NT5E: variants seen among roughly 807,000 people sequenced by gnomAD.
NT5E encodes 5'-nucleotidase.
A neutral mutation model predicts 55.1 loss-of-function variants in NT5E; 53 were observed. That is an observed-to-expected ratio of 0.96 (90% CI 0.77 to 1.21). NT5E has a LOEUF of 1.21. NT5E is among the 50% of genes most tolerant of loss of function. The probability of loss-of-function intolerance (pLI) is 0.00; values close to 1 mark genes in which losing one functional copy is unlikely to be tolerated. For missense variants in NT5E, 683 were observed against 724.3 expected (o/e 0.94, Z 0.65); for synonymous variants, 270 against 278.4 (o/e 0.97, Z 0.30).
rs566822905 is a variant in NT5E, at chr6:85,473,104, G to C, written c.751+1679G>C. On this transcript the variant is annotated intron_variant, in intron 3 of 8. Coordinates refer to ENST00000257770, the MANE Select transcript of NT5E (RefSeq NM_002526.4). ...TAGCATGGATAACATTGCAATCAAA[G>C]AGTTTCAACAACTCCATGAGGGTTA... Among the ~76,000 whole-genome samples, 181 of 152,318 alleles carry C rather than the reference G, an allele frequency of 1.2e-3. 1 individual carries two copies. Among genetic ancestry groups the C allele is most frequent in the African/African-American group, 4.0e-3 (168 of 41,578 alleles).
At chr6:85,463,072 T>C (rs762600699) in intron 1 of NT5E, among the ~76,000 whole-genome samples, 4 of 152,226 alleles carry the variant, frequency 2.6e-5, no homozygotes, top group Non-Finnish European at 4.4e-5. Context: ...AGATCATCAA[T>C]TCTTTTTTTA....
chr6:85,476,903 G>T (rs144869765), intron 3 of NT5E, among the ~76,000 whole-genome samples: 2 of 152,264 alleles, frequency 1.3e-5, no homozygotes, highest in East Asian at 1.9e-4. Flanking sequence ...CAGGATGGGG[G>T]GCAGGGCGGG....
At chr6:85,479,276 G>A (rs1769495194) in intron 3 of NT5E, among the ~76,000 whole-genome samples, 1 of 152,200 alleles carries the variant, frequency 6.6e-6, no homozygotes, top group Admixed American at 6.5e-5. Context: ...CAGGAATGCA[G>A]TGGTTTAACC....
At position 85,471,264 on chromosome 6, in the gene NT5E, TCA is replaced by T; in HGVS notation, c.592_593del (p.Thr198CysfsTer5). The T allele has an allele frequency of 6.2e-7, 1 of 1,609,880 alleles. No individual in the cohort carries two copies. The highest frequency in any genetic ancestry group is 1.3e-5 in the African/African-American group (1 of 75,006). On this transcript the variant is annotated frameshift_variant, in exon 3 of 9. Transcript: ENST00000257770. LOFTEE classifies it high-confidence loss of function. Reference sequence around the variant, plus strand: ...ACAAATTTAGTGTTTGAAGATGAAATCACTGCATTACAACCTGAAGTAGATAA... The same window carrying T: ...ACAAATTTAGTGTTTGAAGATGAAATCTGCATTACAACCTGAAGTAGATAA...
chr6:85,461,667 T>A (rs1769100294), intron 1 of NT5E, among the ~76,000 whole-genome samples: 1 of 152,160 alleles, frequency 6.6e-6, no homozygotes, highest in South Asian at 2.1e-4. Context: ...TAACAGTTAG[T>A]TAGGCTTTTT....
Position 85,485,309 on chromosome 6 carries a change from C to T in NT5E, c.826C>T (p.Pro276Ser), listed in dbSNP as rs1769627775. 2.5e-6 allele frequency: 4 copies of T among 1,614,034 alleles called. No homozygotes were observed. The highest frequency in any genetic ancestry group is 1.6e-4 in the Middle Eastern group (1 of 6,084). Residue 276 changes from proline (P) to serine (S), a missense_variant, in exon 4 of 9, where the codon CCT becomes TCT. Transcript: ENST00000257770. ...CACTTCTGATGATGGGCGGAAGGTT[C>T]CTGTAGTCCAGGCCTATGCTTTTGG... ...IVTSDDGRKV[P>S]VVQAYAFGKY...
At chr6:85,458,584 T>C (rs1342176670) in intron 1 of NT5E, among the ~76,000 whole-genome samples, 2 of 152,258 alleles carry the variant, frequency 1.3e-5, no homozygotes, top group African/African-American at 4.8e-5. Flanking sequence ...ATCTGAATGC[T>C]CTGTACTCTC....
intron 3 of NT5E, among the ~76,000 whole-genome samples, chr6:85,478,853 AAGAGAGAGAG>A (rs967946976): frequency 4.6e-5 from 7 of 151,822 alleles, no homozygotes; most frequent in African/African-American, 1.7e-4. Context: ...GAGAGAGAGA[AAGAGAGAGAG>A]AGCTAGAGAA....
At chr6:85,468,597 A>G (rs962960634) in intron 2 of NT5E, among the ~76,000 whole-genome samples, 3 of 152,164 alleles carry the variant, frequency 2.0e-5, no homozygotes, top group African/African-American at 7.2e-5. Flanking sequence ...AATACATGAG[A>G]GCAGGAAGGT....
chr6:85,483,271 A>T (rs1769585023), intron 3 of NT5E, among the ~76,000 whole-genome samples: 1 of 152,196 alleles, frequency 6.6e-6, no homozygotes, highest in African/African-American at 2.4e-5. Flanking sequence ...GTTCTCCGCC[A>T]CCTTGTGGAC....
chr6:85,469,524 G>A (rs921918484), intron 2 of NT5E, among the ~76,000 whole-genome samples: 1 of 152,210 alleles, frequency 6.6e-6, no homozygotes, highest in African/African-American at 2.4e-5. Flanking sequence ...AATTAAGCAG[G>A]AGGGGAATGG....
At chr6:85,483,710 T>C (rs1263477795) in intron 3 of NT5E, among the ~76,000 whole-genome samples, 2 of 152,174 alleles carry the variant, frequency 1.3e-5, no homozygotes, top group Non-Finnish European at 2.9e-5. Flanking sequence ...GCTCTTGACA[T>C]AGGAGCATGG....
At chr6:85,459,931 T>C (rs983897005) in intron 1 of NT5E, among the ~76,000 whole-genome samples, 4 of 152,252 alleles carry the variant, frequency 2.6e-5, no homozygotes, top group Non-Finnish European at 1.5e-5. Context: ...TAAAAATACC[T>C]TGCAATTAGT....
Position 85,476,911 on chromosome 6 carries a change from G to A in NT5E, c.751+5486G>A, listed in dbSNP as rs77768312. The stretch of plus-strand genomic sequence containing the variant: ...ATGGGGACAGGATGGGGGGCAGGGC[G>A]GGCCAGGGTGATTTTGGAAAAGGCA... On this transcript the variant is annotated intron_variant, in intron 3 of 8. Coordinates refer to ENST00000257770, the MANE Select transcript of NT5E (RefSeq NM_002526.4). 8.7e-4 allele frequency among the ~76,000 whole-genome samples: 133 copies of A among 152,196 alleles called. 2 individuals are homozygous for A. The East Asian group carries it at 0.012, about 13-fold the overall frequency.
At chr6:85,457,501 C>G (rs977489315) in intron 1 of NT5E, among the ~76,000 whole-genome samples, 1 of 152,118 alleles carries the variant, frequency 6.6e-6, no homozygotes, top group African/African-American at 2.4e-5. Context: ...CATGACAACT[C>G]TCTAATTTCT....
intron 8 of NT5E, among the ~76,000 whole-genome samples, chr6:85,492,674 C>G (rs371436411): frequency 3.1e-4 from 47 of 152,290 alleles, no homozygotes; most frequent in African/African-American, 1.1e-3. Context: ...GTTGGTACTT[C>G]TGGCAGCATT....
intron 3 of NT5E, among the ~76,000 whole-genome samples, chr6:85,475,541 T>G (rs117408427): frequency 1.3e-5 from 2 of 152,196 alleles, no homozygotes; most frequent in Non-Finnish European, 2.9e-5. Flanking sequence ...AGAGCTAAAA[T>G]GCAAACGCTT....
At chr6:85,462,992 T>A (rs1197417505) in intron 1 of NT5E, among the ~76,000 whole-genome samples, 1 of 152,228 alleles carries the variant, frequency 6.6e-6, no homozygotes, top group Admixed American at 6.5e-5. Flanking sequence ...GGCACTTGTT[T>A]GTGAATGAAA....
At chr6:85,475,118 TTAAAA>T (rs762198327) in intron 3 of NT5E, among the ~76,000 whole-genome samples, 25 of 152,148 alleles carry the variant, frequency 1.6e-4, no homozygotes, top group Non-Finnish European at 3.2e-4. Flanking sequence ...AAAAATACAG[TTAAAA>T]TAATACATCC....
Sources: gnomAD v4.1 joint callset for allele counts (sites outside exome capture counted in the v4.1 genomes callset) on GRCh38, gnomAD v4.1.1 for gene constraint, MANE v1.5 for transcripts, NCBI Gene and HGNC (gene_info 2026-07-23, HGNC 2026-07-21) for gene names.